Variants in TMC2 observed in about 807,000 individuals in gnomAD.
TMC2 encodes transmembrane channel like 2, also known as transmembrane channel-like protein 2.
Under a neutral mutation model 105.9 loss-of-function variants are expected in TMC2, and 102 were observed. That is an observed-to-expected ratio of 0.96 (90% CI 0.82 to 1.14). The LOEUF is 1.14. Ranked by LOEUF, TMC2 falls within the 50% of genes most tolerant of loss-of-function variation. The pLI is 0.00. For missense variants in TMC2, 1,093 were observed against 1,134.3 expected (o/e 0.96, Z 0.52); for synonymous variants, 402 against 422.8 (o/e 0.95, Z 0.60).
chr20:2,573,049 G>A (rs936878692), intron 5 of TMC2, among the ~76,000 whole-genome samples: 1 of 151,676 alleles, frequency 6.6e-6, no homozygotes, highest in Non-Finnish European at 1.5e-5. Context: ...TTGAACTCCT[G>A]GCCTCAAGAG....
At chr20:2,576,751 A>C (rs1338577110) in intron 5 of TMC2, among the ~76,000 whole-genome samples, 1 of 152,162 alleles carries the variant, frequency 6.6e-6, no homozygotes, top group African/African-American at 2.4e-5. Context: ...GAGAAGCTAA[A>C]CCATCATCCC....
At chr20:2,617,045 C>T (rs368856333) in intron 15 of TMC2, 27 bp from the exon 16 acceptor site, 3 of 1,613,566 alleles carry the variant, frequency 1.9e-6, no homozygotes, top group Non-Finnish European at 2.5e-6. Context: ...GTCCAGCCAA[C>T]CAGGTGTTTG....
At position 2,594,881 on chromosome 20, in the gene TMC2, C is replaced by T. The variant is rs779129279; in HGVS notation, c.990C>T (p.Ile330=). The part of the protein sequence containing the change: ...FYGYYNNQRT[I]GWLRYRLPMA... ...GCTACTACAACAACCAGAGGACCAT[C>T]GGGTGGCTGAGGTACCGGCTGCCTA... is the stretch of plus-strand genomic sequence containing the variant. The change falls in exon 9 of 20, where the codon ATC becomes ATT. Residue 330 remains isoleucine (I), a synonymous_variant. Coordinates refer to ENST00000358864, the MANE Select transcript of TMC2 (RefSeq NM_080751.3). 1.7e-5 allele frequency: 27 copies of T among 1,613,986 alleles called. No individual in the cohort carries two copies. The highest frequency in any genetic ancestry group is 6.7e-5 in the Admixed American group (4 of 60,010).
intron 2 of TMC2, among the ~76,000 whole-genome samples, chr20:2,543,769 G>A (rs1306973967): frequency 1.3e-5 from 2 of 152,160 alleles, no homozygotes; most frequent in African/African-American, 4.8e-5. Flanking sequence ...TTCAGCCCAA[G>A]CTGAAGGAAA....
chr20:2,583,549 G>A (rs1380760003), intron 7 of TMC2, among the ~76,000 whole-genome samples: 3 of 150,656 alleles, frequency 2.0e-5, no homozygotes, highest in Non-Finnish European at 4.4e-5. Context: ...TGCAACCTCT[G>A]CCACCCAGGT....
At position 2,637,471 on chromosome 20, in the gene TMC2, CA is replaced by C. The variant is rs753805323; in HGVS notation, c.2386-2del. ...AGGACCAACAGTTCATTATTTCCTG[CA>C]GCTCCGTGAAGTTGAGAAGAGTCAC... On this transcript the variant is annotated splice_acceptor_variant, in intron 18 of 19. Transcript: ENST00000358864. LOFTEE classifies it high-confidence loss of function. 1 of 1,598,138 alleles carries C rather than the reference CA, an allele frequency of 6.3e-7. No homozygotes were observed. The highest frequency in any genetic ancestry group is 8.6e-7 in the Non-Finnish European group (1 of 1,165,956).
intron 2 of TMC2, among the ~76,000 whole-genome samples, chr20:2,538,707 G>T (rs185348524): frequency 6.6e-6 from 1 of 152,164 alleles, no homozygotes; most frequent in Admixed American, 6.5e-5. Context: ...CCACGTTGCC[G>T]CTGCCGTTTT....
intron 2 of TMC2, among the ~76,000 whole-genome samples, chr20:2,552,147 A>T (rs113492057): frequency 0.019 from 2,906 of 152,178 alleles, 90 homozygotes; most frequent in African/African-American, 0.066. Flanking sequence ...AGTCCCCCCT[A>T]CTTGGGAGGC....
At chr20:2,584,235 G>A (rs1002016075) in intron 7 of TMC2, among the ~76,000 whole-genome samples, 6 of 151,808 alleles carry the variant, frequency 4.0e-5, no homozygotes, top group Non-Finnish European at 5.9e-5. Flanking sequence ...ACGAGGTCAG[G>A]AGATCGAGAC....
intron 9 of TMC2, 108 bp from the exon 10 acceptor site, chr20:2,597,043 C>A: frequency 8.1e-7 from 1 of 1,228,064 alleles, no homozygotes; most frequent in Non-Finnish European, 1.1e-6. Context: ...TGAATGTCAG[C>A]TACCTGTTTA....
intron 2 of TMC2, among the ~76,000 whole-genome samples, chr20:2,549,697 C>T (rs1272949480): frequency 6.6e-6 from 1 of 152,136 alleles, no homozygotes; most frequent in Admixed American, 6.5e-5. Context: ...GAGCCGAGAG[C>T]ACGCCACTGC....
At chr20:2,598,621 C>T (rs1005867865) in intron 10 of TMC2, among the ~76,000 whole-genome samples, 5 of 151,692 alleles carry the variant, frequency 3.3e-5, no homozygotes, top group African/African-American at 1.2e-4. Context: ...TTCACCAGGC[C>T]AGTCTCAAAC....
intron 10 of TMC2, among the ~76,000 whole-genome samples, chr20:2,600,345 C>A (rs1008038165): frequency 1.3e-5 from 2 of 152,128 alleles, no homozygotes; most frequent in Non-Finnish European, 2.9e-5. Flanking sequence ...GTTTAATAAT[C>A]AAAAATCAAT....
chr20:2,626,368 C>T (rs892039130), intron 17 of TMC2, among the ~76,000 whole-genome samples: 2 of 152,206 alleles, frequency 1.3e-5, no homozygotes, highest in African/African-American at 4.8e-5. Context: ...CCAGCTGGCA[C>T]TGGAGGCCTC....
Position 2,617,371 on chromosome 20 carries a change from C to A in TMC2, c.2180+60C>A. The A allele has an allele frequency of 1.4e-5, 22 of 1,599,424 alleles. 1 individual carries two copies. Among genetic ancestry groups the A allele is most frequent in the Non-Finnish European group, 1.7e-5 (20 of 1,170,930 alleles). ...TCCCGAGGCAGTCTGCTCAGAGGGC[C>A]TCGGCCCAGAATTCCAGTTCTGGTT... On this transcript the variant is annotated intron_variant, in intron 16 of 19. Coordinates refer to ENST00000358864, the MANE Select transcript of TMC2 (RefSeq NM_080751.3).
intron 17 of TMC2, 45 bp from the exon 18 acceptor site, chr20:2,635,881 C>CT: frequency 6.6e-7 from 1 of 1,519,012 alleles, no homozygotes; most frequent in Non-Finnish European, 9.1e-7. Context: ...CTCCTATCAT[C>CT]TGCCAAGATC....
At chr20:2,584,007 C>T (rs2086213595) in intron 7 of TMC2, among the ~76,000 whole-genome samples, 1 of 152,084 alleles carries the variant, frequency 6.6e-6, no homozygotes, top group African/African-American at 2.4e-5. Context: ...TTCTATTATG[C>T]AGCTAGGGTT....
intron 13 of TMC2, among the ~76,000 whole-genome samples, chr20:2,612,700 A>T (rs1022549085): frequency 3.3e-5 from 5 of 152,180 alleles, no homozygotes; most frequent in African/African-American, 1.2e-4. Flanking sequence ...TATATATCAA[A>T]AAAAAGAAAA....
intron 7 of TMC2, among the ~76,000 whole-genome samples, chr20:2,584,615 ATGT>A (rs1260089734): frequency 6.6e-6 from 1 of 152,116 alleles, no homozygotes; most frequent in Non-Finnish European, 1.5e-5. Flanking sequence ...ACATTTTAAA[ATGT>A]AGTGACTTAA....
Sources: gnomAD v4.1 joint callset for allele counts (sites outside exome capture counted in the v4.1 genomes callset) on GRCh38, gnomAD v4.1.1 for gene constraint, MANE v1.5 for transcripts, NCBI Gene and HGNC (gene_info 2026-07-23, HGNC 2026-07-21) for gene names.